STPG1: variants seen among roughly 807,000 people sequenced by gnomAD.
STPG1 encodes sperm tail PG-rich repeat containing 1, also known as O(6)-methylguanine-induced apoptosis 2.
Under a neutral mutation model 40.1 loss-of-function variants are expected in STPG1, and 33 were observed. That is an observed-to-expected ratio of 0.82 (90% CI 0.62 to 1.10). STPG1 has a LOEUF of 1.10. STPG1 is among the 50% of genes least tolerant of loss of function. STPG1 has a pLI of 0.00. For missense variants in STPG1, 396 were observed against 415.1 expected, an observed-to-expected ratio of 0.95 and a Z score of 0.40; for synonymous variants, 150 against 155.0, an observed-to-expected ratio of 0.97 and a Z score of 0.24.
At chr1:24,376,454 A>C (rs1642031320) in intron 5 of STPG1, among the ~76,000 whole-genome samples, 1 of 151,584 alleles carries the variant, frequency 6.6e-6, no homozygotes, top group Admixed American at 6.5e-5. Flanking sequence ...GGGTCATATT[A>C]AGACAATAAT....
chr1:24,405,765 C>T (rs577896071), intron 1 of STPG1, among the ~76,000 whole-genome samples: 4 of 152,028 alleles, frequency 2.6e-5, no homozygotes, highest in African/African-American at 7.2e-5. Flanking sequence ...ATTATCATTA[C>T]GAAATACCCT....
At chr1:24,365,944 G>A (rs2092342) in intron 7 of STPG1, among the ~76,000 whole-genome samples, 6,458 of 152,200 alleles carry the variant, frequency 0.042, 448 homozygotes, top group African/African-American at 0.15. Flanking sequence ...GTGATCAGCC[G>A]TTCCCTGCCC....
chr1:24,364,985 T>A (rs1462717525), intron 7 of STPG1, among the ~76,000 whole-genome samples: 2 of 152,140 alleles, frequency 1.3e-5, no homozygotes, highest in Admixed American at 1.3e-4. Context: ...CAGGCACACA[T>A]TCACTCGCCT....
chr1:24,365,198 A>G (rs995257126), intron 7 of STPG1, among the ~76,000 whole-genome samples: 4 of 152,154 alleles, frequency 2.6e-5, no homozygotes, highest in Non-Finnish European at 4.4e-5. Context: ...CCAAAATTGG[A>G]GTGGGGCCAA....
chr1:24,408,126 TGTA>T (rs1643482192), intron 1 of STPG1, among the ~76,000 whole-genome samples: 1 of 152,270 alleles, frequency 6.6e-6, no homozygotes, highest in Non-Finnish European at 1.5e-5. Flanking sequence ...TTCAGTAACT[TGTA>T]GATCCATCTG....
chr1:24,412,349 A>C lies in STPG1; in HGVS notation c.-69+1325T>G, dbSNP rs1234897762. Among the ~76,000 whole-genome samples, 4 of 151,604 alleles carry C rather than the reference A, an allele frequency of 2.6e-5. No individual in the cohort carries two copies. In the East Asian group the frequency reaches 7.7e-4, roughly 29 times the overall value. On this transcript the variant is annotated intron_variant, in intron 1 of 8. Transcript: ENST00000337248. ...GCAGTCCTGTCACAAAATTCACGAG[A>C]CTCTCTGCTCAAACCTTCTTAGGGA...
At chr1:24,411,332 T>C (rs1643621163) in intron 1 of STPG1, among the ~76,000 whole-genome samples, 1 of 152,158 alleles carries the variant, frequency 6.6e-6, no homozygotes, top group South Asian at 2.1e-4. Context: ...ACTCAGGAAG[T>C]CTGACTTCTA....
intron 2 of STPG1, among the ~76,000 whole-genome samples, chr1:24,396,198 G>C (rs571925805): frequency 1.3e-5 from 2 of 152,300 alleles, no homozygotes; most frequent in East Asian, 3.9e-4. Context: ...AAACTCTAAA[G>C]TATGTAGGGA....
At chr1:24,412,988 C>A (rs1239810578) in intron 1 of STPG1, among the ~76,000 whole-genome samples, 1 of 152,206 alleles carries the variant, frequency 6.6e-6, no homozygotes, top group Non-Finnish European at 1.5e-5. Context: ...TAAACATGTA[C>A]TAAACTATGT....
At chr1:24,383,163 T>C (rs946585294) in intron 4 of STPG1, among the ~76,000 whole-genome samples, 8 of 152,202 alleles carry the variant, frequency 5.3e-5, no homozygotes, top group African/African-American at 1.4e-4. Context: ...TCTTCCCGCA[T>C]TGGCCTTCCG....
At chr1:24,402,331 T>C (rs1643257482) in intron 1 of STPG1, among the ~76,000 whole-genome samples, 1 of 152,234 alleles carries the variant, frequency 6.6e-6, no homozygotes, top group Non-Finnish European at 1.5e-5. Flanking sequence ...CTCACCAACA[T>C]GTGTTTGCTC....
chr1:24,373,645 A>T, intron 6 of STPG1, 57 bp downstream of exon 6: 9 of 1,226,680 alleles, frequency 7.3e-6, no homozygotes, highest in Non-Finnish European at 9.6e-6. Flanking sequence ...GTGCCCTGCA[A>T]ATCAAATCTG....
At chr1:24,361,222 T>C (rs1190625701) in intron 7 of STPG1, among the ~76,000 whole-genome samples, 181 bp from the exon 8 acceptor site, 2 of 152,156 alleles carry the variant, frequency 1.3e-5, no homozygotes, top group African/African-American at 4.8e-5. Context: ...TGTTTCTTCA[T>C]CTGCACATGG....
In STPG1 at chr1:24,391,164, T is replaced by C. The variant is rs78739685; in HGVS notation, c.189+397A>G. ...GATGTATTCGACTCTTCTTTTCCTC[T>C]TGTGTTATTTGAAGTCATGTGATTT... On this transcript the variant is annotated intron_variant, in intron 3 of 8. Coordinates refer to ENST00000337248, the MANE Select transcript of STPG1 (RefSeq NM_001199013.2). 349 of 154,676 alleles carry C rather than the reference T, an allele frequency of 2.3e-3. 6 individuals are homozygous for C. The East Asian group carries it at 0.063, about 28-fold the overall frequency. The allele number at this position is 154,676 out of a possible 1,614,324, so 9.6% of individuals were successfully genotyped here. A position where few individuals can be genotyped will look rare whatever the true frequency, so the allele number is the denominator to read the frequency against.
intron 3 of STPG1, among the ~76,000 whole-genome samples, chr1:24,390,137 G>T (rs1377371712): frequency 6.6e-6 from 1 of 152,194 alleles, no homozygotes; most frequent in East Asian, 1.9e-4. Context: ...TGCAGCAAAA[G>T]ATATGTGAAA....
chr1:24,387,157 C>T (rs1384188018), intron 3 of STPG1, among the ~76,000 whole-genome samples: 1 of 152,132 alleles, frequency 6.6e-6, no homozygotes, highest in African/African-American at 2.4e-5. Flanking sequence ...GGCAAAAATG[C>T]AATTTAGCGG....
intron 1 of STPG1, among the ~76,000 whole-genome samples, chr1:24,410,539 G>A (rs1386442764): frequency 6.6e-6 from 1 of 152,212 alleles, no homozygotes; most frequent in Non-Finnish European, 1.5e-5. Context: ...AACCCAGGAG[G>A]TGAAGATTGC....
rs542070354 is a variant in STPG1, at chr1:24,369,448, T to G, written c.737+226A>C. ...AACAATTCTTACAACAGGATTATAA[T>G]AATAATTGAATACAATTTTAAGTTC... On this transcript the variant is annotated intron_variant, in intron 7 of 8. Transcript: ENST00000337248. 142 of 670,790 alleles carry G rather than the reference T, an allele frequency of 2.1e-4. No homozygotes were observed. The African/African-American group carries it at 2.2e-3, about 11-fold the overall frequency. The allele number at this position is 670,790 out of a possible 1,614,324, so 41.6% of individuals were successfully genotyped here.
intron 3 of STPG1, among the ~76,000 whole-genome samples, chr1:24,386,996 C>CCAT (rs71577705): frequency 0.12 from 17,978 of 152,000 alleles, 1,100 homozygotes; most frequent in African/African-American, 0.16. Flanking sequence ...ATGCGGCCCG[C>CCAT]CATCATCATC....
Sources: allele counts gnomAD v4.1 joint callset (sites outside exome capture counted in the v4.1 genomes callset), GRCh38; gene constraint gnomAD v4.1.1; transcripts MANE v1.5; gene names NCBI Gene and HGNC (gene_info 2026-07-23, HGNC 2026-07-21).